Variants in CLCN4 observed in about 807,000 individuals in gnomAD.
CLCN4 encodes Cl-/H+ antiporter 4, also known as H(+)/Cl(-) exchange transporter 4.
CLCN4 carries 1 observed loss-of-function variant against 41.7 expected under a neutral mutation model. The observed-to-expected ratio is 0.02, with a 90% CI of 0.01 to 0.11. CLCN4 has a LOEUF of 0.11. Ranked by LOEUF, CLCN4 falls within the 10% of genes least tolerant of loss-of-function variation. The probability of loss-of-function intolerance (pLI) is 1.00; values close to 1 mark genes in which losing one functional copy is unlikely to be tolerated. For synonymous variants in CLCN4, 277 were observed against 285.8 expected (o/e 0.97, Z 0.31); for missense variants, 287 against 661.0 (o/e 0.43, Z 6.20).
chrX:10,210,829 G>C (rs867222426), intron 9 of CLCN4, among the ~76,000 whole-genome samples: 10 of 105,818 alleles, frequency 9.5e-5, no homozygotes, highest in Non-Finnish European at 1.7e-4. Flanking sequence ...TGTATTTTTT[G>C]TAGAGATGGG....
chrX:10,169,531 A>AG (rs1923331598), intron 2 of CLCN4, among the ~76,000 whole-genome samples: 1 of 112,145 alleles, frequency 8.9e-6, no homozygotes, highest in Admixed American at 9.4e-5. Context: ...AAAACCAGTA[A>AG]GGAAAGGCAA....
intron 2 of CLCN4, among the ~76,000 whole-genome samples, chrX:10,161,443 A>AT (rs771454604): frequency 1.8e-5 from 2 of 111,920 alleles, no homozygotes; most frequent in South Asian, 7.5e-4. Flanking sequence ...CATGAAAGAA[A>AT]TTTTTAAAAA....
At chrX:10,203,560 G>A (rs1239146711) in intron 6 of CLCN4, among the ~76,000 whole-genome samples, 1 of 111,662 alleles carries the variant, frequency 9.0e-6, no homozygotes, top group Non-Finnish European at 1.9e-5. Flanking sequence ...AGAAGGACCT[G>A]GTGAAAGAAC....
chrX:10,212,526 G>A lies in CLCN4; in HGVS notation c.1449G>A (p.Val483=). ...TGGGCGCGATAGCGGGCAGGATGGT[G>A]GGAATTGGCGTGGAGCAGCTGGCCT... ...MAVGAIAGRM[V]GIGVEQLAYH... Residue 483 remains valine (V), a synonymous_variant, in exon 10 of 13, where the codon GTG becomes GTA. Coordinates refer to ENST00000380833, the MANE Select transcript of CLCN4 (RefSeq NM_001830.4). 1 of 1,211,837 alleles carries A rather than the reference G, an allele frequency of 8.3e-7. No homozygotes were observed. Among genetic ancestry groups the A allele is most frequent in the East Asian group, 3.0e-5 (1 of 33,826 alleles).
chrX:10,195,344 C>T (rs184735534), intron 5 of CLCN4, among the ~76,000 whole-genome samples: 1 of 111,054 alleles, frequency 9.0e-6, no homozygotes, highest in Non-Finnish European at 1.9e-5. Context: ...CTTTAAGCCT[C>T]ATATTTGGCT....
chrX:10,204,204 G>A (rs1424114779), intron 6 of CLCN4, among the ~76,000 whole-genome samples: 1 of 111,830 alleles, frequency 8.9e-6, no homozygotes, highest in Non-Finnish European at 1.9e-5. Flanking sequence ...AAAAGCATTA[G>A]GCAAAGACTC....
Position 10,235,560 on chromosome X carries a change from C to G in CLCN4, c.*1976C>G, listed in dbSNP as rs2147195001. 1 of 111,801 alleles carries G rather than the reference C, an allele frequency of 8.9e-6. No individual in the cohort carries two copies. Among genetic ancestry groups the G allele is most frequent in the African/African-American group, 3.2e-5 (1 of 30,797 alleles). 9.2% of individuals were successfully genotyped at this position (111,801 alleles called of 1,213,427 possible). A position where few individuals can be genotyped will look rare whatever the true frequency, so the allele number is the denominator to read the frequency against. ...CTTCTAACCTTCCTGTTCCCCACCC[C>G]TTTTCTCAGATTTGACCTAGAATTC... On this transcript the variant is annotated 3_prime_UTR_variant, in exon 13 of 13. Transcript: ENST00000380833.
intron 6 of CLCN4, among the ~76,000 whole-genome samples, chrX:10,202,312 A>G (rs1924257887): frequency 9.0e-6 from 1 of 111,398 alleles, no homozygotes; most frequent in Non-Finnish European, 1.9e-5. Flanking sequence ...CGTCTCTACT[A>G]AAAATACAAA....
intron 12 of CLCN4, among the ~76,000 whole-genome samples, chrX:10,230,253 G>T (rs889581982): frequency 9.0e-6 from 1 of 111,252 alleles, no homozygotes; most frequent in African/African-American, 3.3e-5. Context: ...TCTTATGTGG[G>T]CCTCTGGCTC....
At chrX:10,191,692 A>AATTTTTTTT (rs1923965329) in intron 4 of CLCN4, among the ~76,000 whole-genome samples, 1 of 49,771 alleles carries the variant, frequency 2.0e-5, no homozygotes, top group African/African-American at 9.2e-5. Context: ...TATCTGGTTA[A>AATTTTTTTT]TTTTTTTTTT....
intron 11 of CLCN4, among the ~76,000 whole-genome samples, chrX:10,217,415 T>C (rs1308795858): frequency 8.9e-6 from 1 of 112,088 alleles, no homozygotes; most frequent in Non-Finnish European, 1.9e-5. Context: ...CTGAGCAGCA[T>C]CCCAGGGCTC....
In CLCN4 at chrX:10,208,594, A is replaced by C. The variant is rs772797876; in HGVS notation, c.1389+4A>C. The C allele has an allele frequency of 7.5e-6, 9 of 1,195,101 alleles. No homozygotes were observed. Among genetic ancestry groups the C allele is most frequent in the Middle Eastern group, 2.3e-4 (1 of 4,278 alleles). ...CATATTTACCTTTGGCATGAAGGTA[A>C]GTGAAAGGGAAGGAAGATGGGGTGG... On this transcript the variant is annotated splice_donor_region_variant and intron_variant, in intron 9 of 12. Coordinates refer to ENST00000380833, the MANE Select transcript of CLCN4 (RefSeq NM_001830.4).
At chrX:10,212,707 G>C in intron 10 of CLCN4, 54 bp downstream of exon 10, 18 of 1,063,693 alleles carry the variant, frequency 1.7e-5, no homozygotes, top group Non-Finnish European at 2.3e-5. Flanking sequence ...CTGGCTTAGA[G>C]GACTGCCAAG....
At chrX:10,180,471 G>C (rs1316226274) in intron 2 of CLCN4, among the ~76,000 whole-genome samples, 1 of 111,394 alleles carries the variant, frequency 9.0e-6, no homozygotes, top group Non-Finnish European at 1.9e-5. Flanking sequence ...CTCTGGGTAG[G>C]ATATACTGCC....
At chrX:10,170,615 G>A (rs773270424) in intron 2 of CLCN4, among the ~76,000 whole-genome samples, 4 of 111,288 alleles carry the variant, frequency 3.6e-5, no homozygotes, top group African/African-American at 9.8e-5. Flanking sequence ...CAGATTCCCC[G>A]GCCCCATCCA....
intron 4 of CLCN4, among the ~76,000 whole-genome samples, chrX:10,190,911 A>C (rs914256554): frequency 6.2e-5 from 7 of 112,270 alleles, no homozygotes; most frequent in Non-Finnish European, 1.3e-4. Flanking sequence ...TAAAAATTTC[A>C]AACCTGTCTG....
At chrX:10,163,652 C>T (rs1923169181) in intron 2 of CLCN4, among the ~76,000 whole-genome samples, 1 of 111,830 alleles carries the variant, frequency 8.9e-6, no homozygotes, top group South Asian at 3.7e-4. Context: ...GGGATGTGCC[C>T]GCCTCGGCCT....
At position 10,206,698 on chromosome X, in the gene CLCN4, G is replaced by A; in HGVS notation, c.765G>A (p.Val255=). The A allele has an allele frequency of 8.3e-7, 1 of 1,205,478 alleles. No homozygotes were observed. Among genetic ancestry groups the A allele is most frequent in the Non-Finnish European group, 1.1e-6 (1 of 892,669 alleles). Residue 255 remains valine, a splice_region_variant and synonymous_variant, in exon 8 of 13, where the codon GTG becomes GTA. Coordinates refer to ENST00000380833, the MANE Select transcript of CLCN4 (RefSeq NM_001830.4). ...YSKNEGKRRE[V]LSAAAAAGVS... ...ATGTAGAACTATTTGTTTTGTAGGT[G>A]CTTTCAGCTGCAGCGGCTGCTGGAG...
intron 2 of CLCN4, among the ~76,000 whole-genome samples, chrX:10,161,138 TC>T (rs1923087027): frequency 9.3e-6 from 1 of 107,049 alleles, no homozygotes; most frequent in Non-Finnish European, 1.9e-5. Flanking sequence ...TCTCTCTCTC[TC>T]TCTCTCTCTC....
Sources: gnomAD v4.1 joint callset for allele counts (sites outside exome capture counted in the v4.1 genomes callset) on GRCh38, gnomAD v4.1.1 for gene constraint, MANE v1.5 for transcripts, NCBI Gene and HGNC (gene_info 2026-07-23, HGNC 2026-07-21) for gene names.